Variants in SBF2 observed in about 807,000 individuals in gnomAD.
SBF2 encodes myotubularin-related protein 13.
Under a neutral mutation model 225.2 loss-of-function variants are expected in SBF2, and 112 were observed. That is an observed-to-expected ratio of 0.50 (90% CI 0.43 to 0.58). The LOEUF (loss-of-function observed/expected upper bound fraction) is 0.58. Ranked by LOEUF, SBF2 falls within the 20% of genes least tolerant of loss-of-function variation. The probability of loss-of-function intolerance (pLI) is 0.00; values close to 1 mark genes in which losing one functional copy is unlikely to be tolerated. For synonymous variants in SBF2, 763 were observed against 773.3 expected, an observed-to-expected ratio of 0.99 and a Z score of 0.22; for missense variants, 1,996 against 2,206.2, an observed-to-expected ratio of 0.90 and a Z score of 1.91.
chr11:9,847,233 A>C, intron 22 of SBF2, 150 bp from the exon 23 acceptor site: 3 of 924,334 alleles, frequency 3.2e-6, no homozygotes, highest in East Asian at 4.9e-5. Context: ...CCTTCACTCC[A>C]GAAAAGGATT....
intron 26 of SBF2, 27 bp from the exon 27 acceptor site, chr11:9,832,447 A>T: frequency 6.5e-7 from 1 of 1,550,314 alleles, no homozygotes; most frequent in Non-Finnish European, 8.9e-7. Flanking sequence ...TAGAGAAGAG[A>T]ATGATTGGGG....
At chr11:10,136,550 A>G (rs1207389594) in intron 2 of SBF2, among the ~76,000 whole-genome samples, 1 of 152,186 alleles carries the variant, frequency 6.6e-6, no homozygotes, top group Non-Finnish European at 1.5e-5. Flanking sequence ...CTTGGAGAAC[A>G]AACAAATTAT....
At chr11:10,002,212 A>ATAAG (rs927529122) in intron 7 of SBF2, among the ~76,000 whole-genome samples, 5 of 152,174 alleles carry the variant, frequency 3.3e-5, no homozygotes, top group African/African-American at 9.7e-5. Context: ...TCTAAGAGAG[A>ATAAG]TAAGAGCTTT....
rs892308134 is a variant in SBF2, at chr11:9,839,641, A to AAAT, written c.3311_3312insATT (p.Ser1104_Thr1105insPhe). 1.2e-6 allele frequency: 2 copies of AAAT among 1,614,074 alleles called. No homozygotes were observed. The highest frequency in any genetic ancestry group is 2.7e-5 in the African/African-American group (2 of 74,932). On this transcript the variant is annotated inframe_insertion, in exon 26 of 40. Transcript: ENST00000256190. The stretch of plus-strand genomic sequence containing the variant: ...CTTTTTCCACCAACTGTTCCATTGT[A>AAAT]GACTTCTCGGAGGCCTTCAGGGTGG...
At chr11:10,209,555 T>C (rs1957861975) in intron 1 of SBF2, among the ~76,000 whole-genome samples, 1 of 152,086 alleles carries the variant, frequency 6.6e-6, no homozygotes, top group African/African-American at 2.4e-5. Flanking sequence ...AAGACAATCA[T>C]TTCCTTCTTG....
intron 2 of SBF2, among the ~76,000 whole-genome samples, chr11:10,074,210 T>A (rs1462619662): frequency 2.6e-5 from 4 of 152,206 alleles, no homozygotes; most frequent in Admixed American, 6.5e-5. Flanking sequence ...GGGAGTTCAT[T>A]GTTCTCTATT....
At chr11:10,051,096 T>C (rs1292925352) in intron 2 of SBF2, among the ~76,000 whole-genome samples, 1 of 152,148 alleles carries the variant, frequency 6.6e-6, no homozygotes, top group Non-Finnish European at 1.5e-5. Flanking sequence ...AACAAAAATG[T>C]CCATAGCACT....
At chr11:10,166,166 A>T (rs188636706) in intron 2 of SBF2, among the ~76,000 whole-genome samples, 3 of 152,352 alleles carry the variant, frequency 2.0e-5, no homozygotes. Context: ...AATCATAGCA[A>T]ATATTTAATA....
chr11:10,265,142 T>C (rs1961846700), intron 1 of SBF2, among the ~76,000 whole-genome samples: 1 of 152,176 alleles, frequency 6.6e-6, no homozygotes, highest in Admixed American at 6.5e-5. Flanking sequence ...TTCTAGATCC[T>C]TGAGGAATTG....
chr11:10,152,876 A>G (rs952806660), intron 2 of SBF2, among the ~76,000 whole-genome samples: 3 of 152,196 alleles, frequency 2.0e-5, no homozygotes, highest in Non-Finnish European at 4.4e-5. Context: ...AGAGAAAGGA[A>G]TAGCTTGATC....
At chr11:9,968,988 CAT>C (rs1867148732) in intron 13 of SBF2, among the ~76,000 whole-genome samples, 2 of 152,026 alleles carry the variant, frequency 1.3e-5, no homozygotes, top group Admixed American at 6.6e-5. Context: ...CCCATACCCA[CAT>C]GTTTAACTCT....
At chr11:10,172,365 T>C (rs998095484) in intron 2 of SBF2, among the ~76,000 whole-genome samples, 1 of 152,170 alleles carries the variant, frequency 6.6e-6, no homozygotes, top group Non-Finnish European at 1.5e-5. Context: ...AAAAATTTTT[T>C]TTTTTGAGAA....
At chr11:10,098,623 C>T (rs1310298905) in intron 2 of SBF2, among the ~76,000 whole-genome samples, 6 of 146,236 alleles carry the variant, frequency 4.1e-5, no homozygotes, top group Non-Finnish European at 8.9e-5. Context: ...ACAGACAACT[C>T]GATGCAACCA....
intron 2 of SBF2, among the ~76,000 whole-genome samples, chr11:10,141,966 T>C (rs565736214): frequency 9.4e-4 from 143 of 152,286 alleles, no homozygotes; most frequent in Non-Finnish European, 7.8e-4. Context: ...CTCTTTAAGC[T>C]CTTAACCTTA....
intron 16 of SBF2, chr11:9,928,914 A>G: frequency 2.5e-6 from 1 of 398,544 alleles, no homozygotes; most frequent in South Asian, 2.1e-5. Flanking sequence ...GTTAGATAAA[A>G]ATTAAATTCA....
In SBF2 at chr11:10,272,389, C is replaced by A. The variant is rs1221319740; in HGVS notation, c.55+21626G>T. The A allele has an allele frequency of 2.4e-5, 12 of 494,758 alleles. 2 individuals are homozygous for A. The South Asian group carries it at 2.9e-4, about 12-fold the overall frequency. The allele number at this position is 494,758 out of a possible 1,614,324, so 30.6% of individuals were successfully genotyped here. ...ACTCACACAATTTCCTTAAGTCTTG[C>A]AACAATTTCTTCAATAACTTCAAAC... is the stretch of plus-strand genomic sequence containing the variant. On this transcript the variant is annotated intron_variant, in intron 1 of 39. Coordinates refer to ENST00000256190, the MANE Select transcript of SBF2 (RefSeq NM_030962.4).
At position 9,785,174 on chromosome 11, in the gene SBF2, T is replaced by C; in HGVS notation, c.5182A>G (p.Arg1728Gly). Residue 1728 changes from arginine to glycine, a missense_variant, in exon 37 of 40, where the codon AGA (arginine) becomes GGA (glycine). Transcript: ENST00000256190. ...TACTGGCTATAGAGCGTGGCTGCTCTTCGCTCCACTCCATTGGATGGGGAG... is the reference window on the plus strand; with the variant it reads ...TACTGGCTATAGAGCGTGGCTGCTCCTCGCTCCACTCCATTGGATGGGGAG... The part of the protein sequence containing the change: ...SISPSNGVER[R>G]AATLYSQYTS... 2.5e-6 allele frequency: 4 copies of C among 1,613,976 alleles called. No homozygotes were observed. The highest frequency in any genetic ancestry group is 3.4e-6 in the Non-Finnish European group (4 of 1,180,042).
chr11:10,142,472 G>C (rs1440881771), intron 2 of SBF2, among the ~76,000 whole-genome samples: 1 of 152,056 alleles, frequency 6.6e-6, no homozygotes, highest in Non-Finnish European at 1.5e-5. Flanking sequence ...AGTTATACTG[G>C]GGCAAAACAT....
At position 9,805,715 on chromosome 11, in the gene SBF2, C is replaced by T. The variant is rs568793643; in HGVS notation, c.4443+2285G>A. On this transcript the variant is annotated intron_variant, in intron 32 of 39. Transcript: ENST00000256190. ...TCAGCTCAATGCAACCTCCGCCTCCCGGGTTCAAGCGATTCTCCTGCTTCA... is the reference window on the plus strand; with the variant it reads ...TCAGCTCAATGCAACCTCCGCCTCCTGGGTTCAAGCGATTCTCCTGCTTCA... Among the ~76,000 whole-genome samples the T allele has an allele frequency of 5.0e-4, 76 of 152,230 alleles. No individual in the cohort carries two copies. The South Asian group carries it at 0.012, about 24-fold the overall frequency.
Sources: gnomAD v4.1 joint callset for allele counts (sites outside exome capture counted in the v4.1 genomes callset) on GRCh38, gnomAD v4.1.1 for gene constraint, MANE v1.5 for transcripts, NCBI Gene and HGNC (gene_info 2026-07-23, HGNC 2026-07-21) for gene names.